The following DNAH14 variants were observed in gnomAD, a reference collection of about 807,000 sequenced individuals.
DNAH14 encodes the protein axonemal beta dynein heavy chain 14.
A neutral mutation model predicts 520.9 loss-of-function variants in DNAH14; 478 were observed. That is an observed-to-expected ratio of 0.92 (90% CI 0.85 to 0.99). The LOEUF (loss-of-function observed/expected upper bound fraction) is 0.99. DNAH14 is among the 50% of genes least tolerant of loss of function. The pLI is 0.00. For missense variants in DNAH14, 4,831 were observed against 5,234.5 expected, an observed-to-expected ratio of 0.92 and a Z score of 2.38; for synonymous variants, 1,581 against 1,757.2, an observed-to-expected ratio of 0.90 and a Z score of 2.51.
intron 60 of DNAH14, among the ~76,000 whole-genome samples, chr1:225,314,266 C>CT (rs1199989489): frequency 6.6e-6 from 1 of 152,004 alleles, no homozygotes; most frequent in East Asian, 1.9e-4. Flanking sequence ...GCAATCGCTG[C>CT]TTTTTTTGCT....
chr1:225,281,059 G>A (rs918410203), intron 54 of DNAH14, among the ~76,000 whole-genome samples: 3 of 152,134 alleles, frequency 2.0e-5, no homozygotes, highest in Non-Finnish European at 2.9e-5. Flanking sequence ...GGTAAATATA[G>A]GGCCATGTGT....
At chr1:225,227,235 C>T (rs2090625797) in intron 41 of DNAH14, among the ~76,000 whole-genome samples, 1 of 152,078 alleles carries the variant, frequency 6.6e-6, no homozygotes, top group Admixed American at 6.6e-5. Context: ...CAGGCTGTCT[C>T]AGTAGGGGGA....
intron 45 of DNAH14, 90 bp downstream of exon 45, chr1:225,258,208 A>T (rs2092809291): frequency 8.5e-7 from 1 of 1,182,798 alleles, no homozygotes; most frequent in Non-Finnish European, 1.1e-6. Context: ...GTAAGTGGGA[A>T]AAAAATATAC....
Position 225,388,484 on chromosome 1 carries a change from C to T in DNAH14, c.13183C>T (p.Gln4395Ter). Reference protein sequence around the residue: ...TWAKVAYTAIQRRYMRFVTVW... With the variant: ...TWAKVAYTAI The stretch of plus-strand genomic sequence containing the variant: ...GGCCAAAGTGGCTTATACTGCAATA[C>T]AGCGTCGGTATGGATAAAAGATGCT... Residue 4395 changes from glutamine (Q) to a stop codon, truncating the protein, a stop_gained, in exon 82 of 86, where the codon CAG becomes TAG. Coordinates refer to ENST00000682510, the MANE Select transcript of DNAH14 (RefSeq NM_001367479.1). LOFTEE classifies it high-confidence loss of function. The T allele has an allele frequency of 6.7e-7, 1 of 1,498,502 alleles. No individual in the cohort carries two copies. Among genetic ancestry groups the T allele is most frequent in the Non-Finnish European group, 9.1e-7 (1 of 1,104,616 alleles). The allele number at this position is 1,498,502 out of a possible 1,614,324, so 92.8% of individuals were successfully genotyped here.
At chr1:225,104,045 T>G (rs1238425688) in intron 23 of DNAH14, among the ~76,000 whole-genome samples, 1 of 152,200 alleles carries the variant, frequency 6.6e-6, no homozygotes, top group African/African-American at 2.4e-5. Flanking sequence ...CTAGCTCTTA[T>G]TATTTTGAGA....
chr1:225,072,445 A>T (rs3105552), intron 17 of DNAH14, among the ~76,000 whole-genome samples: 121,301 of 152,070 alleles, frequency 0.8, 51,747 homozygotes, highest in Non-Finnish European at 0.96. Context: ...CAATGTTTTA[A>T]GATGATTTTT....
chr1:225,197,535 G>A (rs1194254749), intron 38 of DNAH14, among the ~76,000 whole-genome samples: 3 of 151,986 alleles, frequency 2.0e-5, no homozygotes, highest in South Asian at 4.1e-4. Context: ...CTCTTTTTTG[G>A]TTCCATATAA....
chr1:225,271,750 A>G (rs2093320582), intron 50 of DNAH14, among the ~76,000 whole-genome samples, 156 bp from the exon 51 acceptor site: 1 of 152,208 alleles, frequency 6.6e-6, no homozygotes, highest in Non-Finnish European at 1.5e-5. Context: ...TGTTTTTACT[A>G]ATCTACCATC....
At chr1:225,101,314 G>A (rs1408972057) in intron 23 of DNAH14, among the ~76,000 whole-genome samples, 1 of 151,728 alleles carries the variant, frequency 6.6e-6, no homozygotes, top group African/African-American at 2.4e-5. Flanking sequence ...ATCACATCAA[G>A]GTAAACGTAT....
intron 21 of DNAH14, among the ~76,000 whole-genome samples, chr1:225,089,550 A>G (rs2074181857): frequency 6.6e-6 from 1 of 151,960 alleles, no homozygotes; most frequent in Middle Eastern, 3.2e-3. Flanking sequence ...CTAGAAATCA[A>G]TAGCCCTCTT....
chr1:224,929,729 C>T lies in DNAH14; in HGVS notation c.-140C>T, dbSNP rs890423828. ...AGCCTGGCGTGGTAGGGCTGTGCTG[C>T]GCGGTCCTTCCCATTCACCCTAGTC... On this transcript the variant is annotated 5_prime_UTR_variant, in exon 1 of 86. Transcript: ENST00000682510. 1 of 702,386 alleles carries T rather than the reference C, an allele frequency of 1.4e-6. No individual in the cohort carries two copies. Among genetic ancestry groups the T allele is most frequent in the African/African-American group, 1.7e-5 (1 of 57,380 alleles). 43.5% of individuals were successfully genotyped at this position (702,386 alleles called of 1,614,324 possible).
intron 3 of DNAH14, among the ~76,000 whole-genome samples, chr1:224,955,467 C>T (rs962185835): frequency 6.6e-6 from 1 of 152,116 alleles, no homozygotes; most frequent in African/African-American, 2.4e-5. Context: ...ATTGTGACCT[C>T]CTTTATTGGT....
chr1:225,144,771 T>A, intron 29 of DNAH14, 143 bp downstream of exon 29: 1 of 683,340 alleles, frequency 1.5e-6, no homozygotes, highest in African/African-American at 1.8e-5. Flanking sequence ...ATATAATTAA[T>A]TCATCAATGA....
chr1:225,317,824 A>G (rs921196652), intron 60 of DNAH14, among the ~76,000 whole-genome samples: 5 of 152,144 alleles, frequency 3.3e-5, no homozygotes, highest in Admixed American at 6.6e-5. Context: ...ACTAACCCAC[A>G]TACTTCTGGT....
intron 52 of DNAH14, among the ~76,000 whole-genome samples, chr1:225,274,226 A>T (rs1318834465): frequency 6.8e-5 from 5 of 73,344 alleles, no homozygotes; most frequent in Admixed American, 1.9e-4. Flanking sequence ...TTTTTTTGAG[A>T]CGGAGTCTCG....
At chr1:225,201,057 C>A (rs11588527) in intron 38 of DNAH14, among the ~76,000 whole-genome samples, 2,160 of 151,226 alleles carry the variant, frequency 0.014, 30 homozygotes, top group African/African-American at 0.033. Context: ...ATATTTTCTT[C>A]TTATTATTAT....
rs200681083 is a variant in DNAH14, at chr1:225,232,280, T to C, written c.6518+1129T>C. Among the ~76,000 whole-genome samples, 7,911 of 149,476 alleles carry C rather than the reference T, an allele frequency of 0.053. 287 individuals carry two copies. The highest frequency in any genetic ancestry group is 0.074 in the Non-Finnish European group (4,981 of 67,256). On this transcript the variant is annotated intron_variant, in intron 42 of 85. Transcript: ENST00000682510. The surrounding 1 kb of genome is among the most constrained non-coding windows in gnomAD (Gnocchi z 4.2). ...ATATATAAACTGTGATATATATATA[T>C]ACACACACACACACACACACGTGTA...
intron 30 of DNAH14, 54 bp downstream of exon 30, chr1:225,145,433 A>G: frequency 7.6e-7 from 1 of 1,312,662 alleles, no homozygotes. Context: ...AAAACATAAA[A>G]CAATTCATTG....
At chr1:225,364,692 G>C in intron 75 of DNAH14, 100 bp from the exon 76 acceptor site, 1 of 806,214 alleles carries the variant, frequency 1.2e-6, no homozygotes, top group Non-Finnish European at 1.9e-6. Context: ...GTATTAAAAT[G>C]ATTCGTAAGG....
Sources: gnomAD v4.1 joint callset for allele counts (sites outside exome capture counted in the v4.1 genomes callset) on GRCh38, gnomAD v4.1.1 for gene constraint, Gnocchi (gnomAD v3.1) non-coding constraint, MANE v1.5 for transcripts, NCBI Gene and HGNC (gene_info 2026-07-23, HGNC 2026-07-21) for gene names.